The following KDM2A variants were observed in gnomAD, a reference collection of about 807,000 sequenced individuals.
KDM2A encodes the protein lysine-specific demethylase 2A.
In KDM2A, 3 loss-of-function variants were observed where a neutral mutation model predicts 137.3. The observed-to-expected ratio is 0.02, with a 90% confidence interval of 0.01 to 0.06. The LOEUF is 0.06. Among genes scored for constraint, KDM2A ranks in the 10% least tolerant of loss-of-function variants. The probability of loss-of-function intolerance (pLI) is 1.00; values close to 1 mark genes in which losing one functional copy is unlikely to be tolerated. For missense variants in KDM2A, 738 were observed against 1,510.6 expected, an observed-to-expected ratio of 0.49 and a Z score of 8.48; for synonymous variants, 512 against 541.5, an observed-to-expected ratio of 0.95 and a Z score of 0.76.
chr11:67,217,937 AAG>A (rs1858220654), intron 9 of KDM2A, 53 bp downstream of exon 9: 6 of 1,459,748 alleles, frequency 4.1e-6, no homozygotes, highest in Non-Finnish European at 5.5e-6. Flanking sequence ...CTTAATGAAA[AAG>A]AAATTGATGG....
intron 2 of KDM2A, among the ~76,000 whole-genome samples, chr11:67,155,232 T>G (rs1856486325): frequency 6.6e-6 from 1 of 152,130 alleles, no homozygotes; most frequent in Non-Finnish European, 1.5e-5. Flanking sequence ...GCCAGGCTGG[T>G]CTCGAACTCC....
At chr11:67,248,181 C>A in intron 15 of KDM2A, 100 bp from the exon 16 acceptor site, 1 of 858,844 alleles carries the variant, frequency 1.2e-6, no homozygotes, top group Non-Finnish European at 1.9e-6. Context: ...CTTTATGGAC[C>A]AATGTTGTTG....
intron 2 of KDM2A, among the ~76,000 whole-genome samples, chr11:67,164,766 T>C (rs1405009493): frequency 6.6e-6 from 1 of 151,744 alleles, no homozygotes; most frequent in Non-Finnish European, 1.5e-5. Context: ...GACTGGTTAT[T>C]TTTTGTATTT....
intron 2 of KDM2A, among the ~76,000 whole-genome samples, chr11:67,169,738 TCTC>T (rs1856835130): frequency 2.4e-5 from 1 of 41,036 alleles, no homozygotes; most frequent in African/African-American, 3.8e-5. Context: ...TCTCCTTCTC[TCTC>T]TCTCTCTCTC....
Position 67,139,828 on chromosome 11 carries a change from GGT to G in KDM2A, c.42+18471_42+18472del, listed in dbSNP as rs1269491956. ...GGGTTCAAGTGATTCTTCTGCCTCAGGTCCTGAGTAGCTGGGATTAGAGGCAT... is the reference window on the plus strand; with the variant it reads ...GGGTTCAAGTGATTCTTCTGCCTCAGCCTGAGTAGCTGGGATTAGAGGCAT... On this transcript the variant is annotated intron_variant, in intron 2 of 20. Transcript: ENST00000529006. 9.4e-4 allele frequency among the ~76,000 whole-genome samples: 143 copies of G among 152,062 alleles called. 1 individual carries two copies. Among genetic ancestry groups the G allele is most frequent in the Non-Finnish European group, 9.7e-4 (66 of 67,920 alleles).
intron 2 of KDM2A, among the ~76,000 whole-genome samples, chr11:67,135,291 C>G (rs183316455): frequency 6.6e-6 from 1 of 152,110 alleles, no homozygotes; most frequent in East Asian, 1.9e-4. Flanking sequence ...TGGTCTCGAT[C>G]TCTTGACCTC....
At chr11:67,166,085 C>T (rs990028473) in intron 2 of KDM2A, among the ~76,000 whole-genome samples, 1 of 151,564 alleles carries the variant, frequency 6.6e-6, no homozygotes, top group Admixed American at 6.6e-5. Flanking sequence ...AGGCAGTAAA[C>T]AGAAGTATTC....
chr11:67,215,798 TG>T, intron 7 of KDM2A, 57 bp from the exon 8 acceptor site: 1 of 1,259,264 alleles, frequency 7.9e-7, no homozygotes, highest in Non-Finnish European at 1.2e-6. Flanking sequence ...GGCATTTTGG[TG>T]GGGCAGATGT....
chr11:67,145,997 T>TG (rs1856238233), intron 2 of KDM2A, among the ~76,000 whole-genome samples: 1 of 150,000 alleles, frequency 6.7e-6, no homozygotes, highest in Admixed American at 6.7e-5. Flanking sequence ...TGTTTTTTTT[T>TG]GTTTTTTTTT....
chr11:67,137,055 G>A (rs1451064849), intron 2 of KDM2A, among the ~76,000 whole-genome samples: 1 of 152,212 alleles, frequency 6.6e-6, no homozygotes, highest in African/African-American at 2.4e-5. Context: ...GGGTGACTAG[G>A]AGGTAACCAG....
intron 12 of KDM2A, among the ~76,000 whole-genome samples, chr11:67,235,736 C>T (rs902033458): frequency 6.6e-6 from 1 of 151,812 alleles, no homozygotes; most frequent in Non-Finnish European, 1.5e-5. Flanking sequence ...ATTCTCCTGT[C>T]TCAGCCTCTG....
intron 18 of KDM2A, 117 bp from the exon 19 acceptor site, chr11:67,253,336 A>T: frequency 2.4e-6 from 2 of 843,314 alleles, no homozygotes; most frequent in Non-Finnish European, 3.8e-6. Context: ...CTAAAAGATT[A>T]GGCATAGTCC....
At chr11:67,160,951 AAAT>A (rs1300820846) in intron 2 of KDM2A, among the ~76,000 whole-genome samples, 2 of 152,194 alleles carry the variant, frequency 1.3e-5, no homozygotes, top group Non-Finnish European at 2.9e-5. Context: ...AAAAATAAAT[AAAT>A]AATTAATGAA....
chr11:67,130,089 A>C (rs985527114), intron 2 of KDM2A, among the ~76,000 whole-genome samples: 2 of 149,588 alleles, frequency 1.3e-5, no homozygotes, highest in African/African-American at 4.9e-5. Context: ...CAGCCTCCCT[A>C]GTAGCTGGGA....
chr11:67,168,345 T>G (rs1482282962), intron 2 of KDM2A, among the ~76,000 whole-genome samples: 1 of 152,088 alleles, frequency 6.6e-6, no homozygotes, highest in East Asian at 1.9e-4. Flanking sequence ...TAGTTGTTCT[T>G]CCTACTGGGC....
chr11:67,188,104 A>G (rs573511317), intron 5 of KDM2A, among the ~76,000 whole-genome samples: 21 of 152,296 alleles, frequency 1.4e-4, no homozygotes, highest in African/African-American at 5.1e-4. Context: ...GCCACTTGGA[A>G]GGCTTGAGCC....
chr11:67,172,626 G>A (rs1306143046), intron 2 of KDM2A, among the ~76,000 whole-genome samples: 1 of 151,098 alleles, frequency 6.6e-6, no homozygotes, highest in Non-Finnish European at 1.5e-5. Flanking sequence ...TTGTGTGTGT[G>A]TGTGTGTGTG....
At chr11:67,164,892 C>T (rs1023603149) in intron 2 of KDM2A, among the ~76,000 whole-genome samples, 3 of 151,960 alleles carry the variant, frequency 2.0e-5, no homozygotes, top group Non-Finnish European at 4.4e-5. Flanking sequence ...AGCACCGCGC[C>T]TGGCCTGCTA....
At chr11:67,178,151 A>T (rs1457052459) in intron 2 of KDM2A, among the ~76,000 whole-genome samples, 1 of 152,196 alleles carries the variant, frequency 6.6e-6, no homozygotes, top group Non-Finnish European at 1.5e-5. Context: ...GAAGCCTGTA[A>T]TCCCAGCAGT....
Sources: gnomAD v4.1 joint callset for allele counts (sites outside exome capture counted in the v4.1 genomes callset) on GRCh38, gnomAD v4.1.1 for gene constraint, MANE v1.5 for transcripts, NCBI Gene and HGNC (gene_info 2026-07-23, HGNC 2026-07-21) for gene names.